The following TRAPPC8 variants were observed in gnomAD, a reference collection of about 807,000 sequenced individuals.
TRAPPC8 encodes general sporulation gene 1 homolog.
Under a neutral mutation model 174.3 loss-of-function variants are expected in TRAPPC8, and 54 were observed. The observed-to-expected ratio is 0.31, with a 90% CI of 0.25 to 0.39. TRAPPC8 has a LOEUF of 0.39. Ranked by LOEUF, TRAPPC8 falls within the 10% of genes least tolerant of loss-of-function variation. TRAPPC8 has a pLI of 1.00. For missense variants in TRAPPC8, 1,531 were observed against 1,699.1 expected (o/e 0.90, Z 1.74); for synonymous variants, 630 against 579.9 (o/e 1.09, Z -1.24).
At chr18:31,905,222 C>G (rs762060468) in intron 9 of TRAPPC8, among the ~76,000 whole-genome samples, 11 of 152,090 alleles carry the variant, frequency 7.2e-5, no homozygotes, top group Non-Finnish European at 1.3e-4. Context: ...GAAGTGATAT[C>G]AGTTCAAATT....
At chr18:31,897,601 A>C (rs540106247) in intron 11 of TRAPPC8, among the ~76,000 whole-genome samples, 185 bp downstream of exon 11, 33 of 152,306 alleles carry the variant, frequency 2.2e-4, no homozygotes, top group African/African-American at 7.7e-4. Context: ...AAATAAACTT[A>C]ATTTATAAAA....
In TRAPPC8 at chr18:31,923,258, T is replaced by C. The variant is rs980002436; in HGVS notation, c.353-5591A>G. Among the ~76,000 whole-genome samples, 15 of 152,058 alleles carry C rather than the reference T, an allele frequency of 9.9e-5. No individual in the cohort carries two copies. The South Asian group carries it at 2.9e-3, about 30-fold the overall frequency. On this transcript the variant is annotated intron_variant, in intron 2 of 28. Transcript: ENST00000283351. ...ATTTTAGAAAAATTAGACATGTCAATTGGGAAAAATACAAAACAGTACCTA... is the reference window on the plus strand; with the variant it reads ...ATTTTAGAAAAATTAGACATGTCAACTGGGAAAAATACAAAACAGTACCTA...
intron 12 of TRAPPC8, among the ~76,000 whole-genome samples, chr18:31,884,501 T>C (rs1013998533): frequency 6.6e-6 from 1 of 152,232 alleles, no homozygotes; most frequent in African/African-American, 2.4e-5. Context: ...TGGCTATTGC[T>C]GCACCCTATC....
At position 31,854,403 on chromosome 18, in the gene TRAPPC8, T is replaced by C. The variant is rs71361352; in HGVS notation, c.3337-458A>G. The stretch of plus-strand genomic sequence containing the variant: ...CACATGAAATTATTTAAGTAGCATG[T>C]ATTTTTTTAATTCTCCTGAATAAAA... On this transcript the variant is annotated intron_variant, in intron 21 of 28. Coordinates refer to ENST00000283351, the MANE Select transcript of TRAPPC8 (RefSeq NM_014939.5). Among the ~76,000 whole-genome samples the C allele has an allele frequency of 3.9e-3, 588 of 152,316 alleles. 1 individual carries two copies. Among genetic ancestry groups the C allele is most frequent in the Middle Eastern group, 6.8e-3 (2 of 294 alleles).
chr18:31,840,445 T>C (rs943210398), intron 26 of TRAPPC8, among the ~76,000 whole-genome samples: 1 of 151,972 alleles, frequency 6.6e-6, no homozygotes, highest in Non-Finnish European at 1.5e-5. Context: ...TAGAGAAACA[T>C]CCCATTTCTA....
chr18:31,894,319 G>C (rs1197754417), intron 11 of TRAPPC8, among the ~76,000 whole-genome samples: 2 of 152,206 alleles, frequency 1.3e-5, no homozygotes, highest in Non-Finnish European at 2.9e-5. Flanking sequence ...ACTGGTATCA[G>C]TGTTGATGGA....
At position 31,922,988 on chromosome 18, in the gene TRAPPC8, G is replaced by C. The variant is rs112124675; in HGVS notation, c.353-5321C>G. On this transcript the variant is annotated intron_variant, in intron 2 of 28. Transcript: ENST00000283351. ...GCCAAGAGAGAGCCACTGAACTCCAGCATGGGTGACATAATGAGACCCTGC... is the reference window on the plus strand; with the variant it reads ...GCCAAGAGAGAGCCACTGAACTCCACCATGGGTGACATAATGAGACCCTGC... Among the ~76,000 whole-genome samples the C allele has an allele frequency of 3.9e-5, 6 of 152,170 alleles. No individual in the cohort carries two copies. In the East Asian group the frequency reaches 1.2e-3, roughly 29 times the overall value.
chr18:31,884,138 G>A (rs552118778), intron 12 of TRAPPC8, among the ~76,000 whole-genome samples: 9 of 152,290 alleles, frequency 5.9e-5, no homozygotes, highest in South Asian at 4.1e-4. Flanking sequence ...GCAATGAGCC[G>A]AGATGGAGCC....
At chr18:31,929,755 T>TG (rs1275981694) in intron 2 of TRAPPC8, among the ~76,000 whole-genome samples, 4 of 152,196 alleles carry the variant, frequency 2.6e-5, no homozygotes, top group South Asian at 2.1e-4. Context: ...TACAAAAACT[T>TG]GGACACTCTG....
At chr18:31,901,115 GTTT>G (rs3833187) in intron 9 of TRAPPC8, 90 bp from the exon 10 acceptor site, 4 of 968,164 alleles carry the variant, frequency 4.1e-6, no homozygotes, top group African/African-American at 3.5e-5. Flanking sequence ...GAAATTTGCT[GTTT>G]TTTTTTTAAC....
At chr18:31,904,723 G>C (rs1018954040) in intron 9 of TRAPPC8, among the ~76,000 whole-genome samples, 1 of 151,930 alleles carries the variant, frequency 6.6e-6, no homozygotes, top group East Asian at 1.9e-4. Context: ...ACAAAATATC[G>C]TACAGCTCTA....
intron 1 of TRAPPC8, among the ~76,000 whole-genome samples, chr18:31,936,672 C>T (rs377395303): frequency 3.3e-5 from 5 of 151,856 alleles, no homozygotes; most frequent in African/African-American, 4.8e-5. Flanking sequence ...AGGCCGAAGG[C>T]GGGTGGATCA....
At chr18:31,890,939 CATT>C in intron 11 of TRAPPC8, 73 bp from the exon 12 acceptor site, 1 of 1,426,044 alleles carries the variant, frequency 7.0e-7, no homozygotes, top group South Asian at 1.3e-5. Context: ...GTGAAAAAAA[CATT>C]TAATTTCTTA....
intron 14 of TRAPPC8, among the ~76,000 whole-genome samples, chr18:31,873,079 G>A (rs1209535596): frequency 7.7e-6 from 1 of 129,128 alleles, no homozygotes; most frequent in Non-Finnish European, 1.5e-5. Flanking sequence ...GTGCAGTGTC[G>A]TGATCTCAGC....
At chr18:31,924,146 G>A (rs183463668) in intron 2 of TRAPPC8, among the ~76,000 whole-genome samples, 163 of 152,090 alleles carry the variant, frequency 1.1e-3, no homozygotes, top group African/African-American at 3.8e-3. Context: ...TTAGCCAGGC[G>A]TGGTGGCGGG....
intron 21 of TRAPPC8, among the ~76,000 whole-genome samples, chr18:31,854,566 A>C (rs1470400855): frequency 6.6e-6 from 1 of 152,208 alleles, no homozygotes; most frequent in African/African-American, 2.4e-5. Flanking sequence ...AGTTAAAAGT[A>C]AAGAACATTA....
chr18:31,911,395 G>A (rs993998968), intron 5 of TRAPPC8, among the ~76,000 whole-genome samples: 2 of 151,044 alleles, frequency 1.3e-5, no homozygotes, highest in Non-Finnish European at 2.9e-5. Flanking sequence ...AGGTTGCAGT[G>A]AGCCGAGATC....
intron 27 of TRAPPC8, among the ~76,000 whole-genome samples, chr18:31,834,723 A>T (rs2144922978): frequency 6.6e-6 from 1 of 152,310 alleles, no homozygotes; most frequent in East Asian, 1.9e-4. Flanking sequence ...ATTTATGCTC[A>T]TGGCAGCTAA....
intron 25 of TRAPPC8, among the ~76,000 whole-genome samples, chr18:31,848,601 CA>C (rs1040092167): frequency 2.8e-4 from 42 of 151,992 alleles, no homozygotes; most frequent in African/African-American, 1.0e-3. Context: ...AGCTTGGTTT[CA>C]AAAAAATGTT....
Sources: allele counts gnomAD v4.1 joint callset (sites outside exome capture counted in the v4.1 genomes callset), GRCh38; gene constraint gnomAD v4.1.1; transcripts MANE v1.5; gene names NCBI Gene and HGNC (gene_info 2026-07-23, HGNC 2026-07-21).